EMID1: variants seen among roughly 807,000 people sequenced by gnomAD.
EMID1 encodes EMI domain-containing protein 1.
EMID1 carries 40 observed loss-of-function variants against 60.6 expected under a neutral mutation model. That is an observed-to-expected ratio of 0.66 (90% confidence interval 0.51 to 0.86). The LOEUF (loss-of-function observed/expected upper bound fraction) is 0.86. Among genes scored for constraint, EMID1 ranks in the 40% least tolerant of loss-of-function variants. The pLI is 0.00. For missense variants in EMID1, 585 were observed against 597.1 expected (o/e 0.98, Z 0.21); for synonymous variants, 242 against 231.0 (o/e 1.05, Z -0.43).
Position 29,237,528 on chromosome 22 carries a change from G to T in EMID1, c.1074+3179G>T, listed in dbSNP as rs558182789. Among the ~76,000 whole-genome samples the T allele has an allele frequency of 1.8e-4, 26 of 143,922 alleles. 4 individuals carry two copies. Among genetic ancestry groups the T allele is most frequent in the African/African-American group, 6.0e-4 (22 of 36,640 alleles). 94.4% of individuals were successfully genotyped at this position (143,922 alleles called of 152,430 possible). On this transcript the variant is annotated intron_variant, in intron 12 of 14. Coordinates refer to ENST00000334018, the MANE Select transcript of EMID1 (RefSeq NM_133455.4). ...AAATCTGAGTTTCTGGCCAGGCACG[G>T]TGGCTCACGCCTATAATCCCAGCAC...
rs757303529 is a variant in EMID1 at position 29,234,162 on chromosome 22, A to G, written c.992A>G (p.Lys331Arg). 6 of 1,599,864 alleles carry G rather than the reference A, an allele frequency of 3.8e-6. No individual in the cohort carries two copies. The highest frequency in any genetic ancestry group is 5.1e-6 in the Non-Finnish European group (6 of 1,172,904). Residue 331 changes from lysine (K) to arginine (R), a missense_variant, in exon 11 of 15, where the codon AAA becomes AGA. Transcript: ENST00000334018. ...HIGPPGPTGPKGISGHPGEKG... is the reference protein window; with the variant it reads ...HIGPPGPTGPRGISGHPGEKG... ...GGACCCCCAGGCCCCACTGGACCCA[A>G]AGGAATCTCTGGCCACCCAGGAGAG... is the stretch of plus-strand genomic sequence containing the variant.
intron 2 of EMID1, 143 bp downstream of exon 2, chr22:29,215,182 A>G (rs2040038912): frequency 7.0e-6 from 10 of 1,420,396 alleles, no homozygotes; most frequent in Admixed American, 2.7e-5. Context: ...AGCCGACACC[A>G]TTCTCAGCCT....
chr22:29,231,645 C>T lies in EMID1; in HGVS notation c.639C>T (p.Ala213=), dbSNP rs760696015. The T allele has an allele frequency of 5.9e-5, 88 of 1,487,200 alleles. No homozygotes were observed. Among genetic ancestry groups the T allele is most frequent in the South Asian group, 3.1e-4 (23 of 73,088 alleles). The allele number at this position is 1,487,200 out of a possible 1,614,324, so 92.1% of individuals were successfully genotyped here. ...LPGPTGPKGD[A]GSRGPMGMRG... ...GGCCCACCGGCCCCAAGGGAGATGC[C>T]GGCAGTCGGGGCCCAATGGGGATGA... Residue 213 remains alanine, a synonymous_variant, in exon 7 of 15, where the codon GCC becomes GCT. Coordinates refer to ENST00000334018, the MANE Select transcript of EMID1 (RefSeq NM_133455.4).
At chr22:29,230,531 A>C (rs986779604) in intron 5 of EMID1, among the ~76,000 whole-genome samples, 1 of 152,200 alleles carries the variant, frequency 6.6e-6, no homozygotes, top group African/African-American at 2.4e-5. Context: ...AATGCGTGTT[A>C]TGAATTGTGT....
At chr22:29,244,040 G>A (rs1394758279) in intron 13 of EMID1, among the ~76,000 whole-genome samples, 2 of 152,198 alleles carry the variant, frequency 1.3e-5, no homozygotes, top group Non-Finnish European at 2.9e-5. Flanking sequence ...CCTGTGAAGA[G>A]ACGCCTCGAA....
Position 29,231,624 on chromosome 22 carries a change from C to A in EMID1, c.618C>A (p.Pro206=). 1 of 1,515,980 alleles carries A rather than the reference C, an allele frequency of 6.6e-7. No homozygotes were observed. Among genetic ancestry groups the A allele is most frequent in the Non-Finnish European group, 8.9e-7 (1 of 1,128,404 alleles). The allele number at this position is 1,515,980 out of a possible 1,614,324, so 93.9% of individuals were successfully genotyped here. ...TCGGTGCTTGGGGGCTTCCCGGGCCCACCGGCCCCAAGGGAGATGCCGGCA... is the reference window on the plus strand; with the variant it reads ...TCGGTGCTTGGGGGCTTCCCGGGCCAACCGGCCCCAAGGGAGATGCCGGCA... ...DQVGAWGLPG[P]TGPKGDAGSR... is the part of the protein sequence containing the mutation. The change falls in exon 7 of 15, where the codon CCC becomes CCA. Residue 206 remains proline (P), a synonymous_variant. Coordinates refer to ENST00000334018, the MANE Select transcript of EMID1 (RefSeq NM_133455.4).
At chr22:29,235,119 G>A (rs1296878147) in intron 12 of EMID1, among the ~76,000 whole-genome samples, 1 of 152,062 alleles carries the variant, frequency 6.6e-6, no homozygotes, top group African/African-American at 2.4e-5. Context: ...GGGCTGAGAC[G>A]GGTGGATCAC....
chr22:29,229,230 T>C (rs908126584), intron 5 of EMID1, among the ~76,000 whole-genome samples: 4 of 152,126 alleles, frequency 2.6e-5, no homozygotes, highest in African/African-American at 7.2e-5. Flanking sequence ...TCCCAGCTGC[T>C]TAAGAGGCTG....
At chr22:29,252,453 G>T (rs1225327851) in intron 13 of EMID1, among the ~76,000 whole-genome samples, 2 of 152,236 alleles carry the variant, frequency 1.3e-5, no homozygotes, top group Non-Finnish European at 2.9e-5. Context: ...TCCAGATGTT[G>T]TCAGAGCTGG....
intron 5 of EMID1, among the ~76,000 whole-genome samples, chr22:29,227,350 A>G: frequency 6.6e-6 from 1 of 151,900 alleles, no homozygotes; most frequent in South Asian, 2.1e-4. Flanking sequence ...TTGGCCTCCC[A>G]AAGTGCTGGG....
chr22:29,213,444 C>T (rs1244115151), intron 1 of EMID1, among the ~76,000 whole-genome samples: 1 of 152,200 alleles, frequency 6.6e-6, no homozygotes, highest in African/African-American at 2.4e-5. Context: ...TAGGTTGTTT[C>T]CTCTTCCAGC....
At chr22:29,227,264 A>C (rs2040550353) in intron 5 of EMID1, among the ~76,000 whole-genome samples, 1 of 151,552 alleles carries the variant, frequency 6.6e-6, no homozygotes, top group Admixed American at 6.6e-5. Flanking sequence ...CTAATTTTTA[A>C]ATTTTTGGTA....
At chr22:29,220,177 T>C (rs2040239300) in intron 3 of EMID1, among the ~76,000 whole-genome samples, 1 of 152,150 alleles carries the variant, frequency 6.6e-6, no homozygotes, top group Non-Finnish European at 1.5e-5. Context: ...TACACGGCCT[T>C]GGCAGTGGCC....
intron 3 of EMID1, among the ~76,000 whole-genome samples, chr22:29,221,191 G>A (rs1862584919): frequency 1.3e-5 from 2 of 151,020 alleles, no homozygotes; most frequent in South Asian, 4.2e-4. Flanking sequence ...GTGGAGCTGG[G>A]GTTTGTGGTC....
chr22:29,249,587 A>ATTAT (rs140494856), intron 13 of EMID1, among the ~76,000 whole-genome samples: 9,519 of 139,452 alleles, frequency 0.068, 324 homozygotes, highest in African/African-American at 0.091. Context: ...AAATACCTTT[A>ATTAT]TTATTTATTT....
At chr22:29,231,766 G>A in intron 7 of EMID1, 84 bp downstream of exon 7, 1 of 1,317,146 alleles carries the variant, frequency 7.6e-7, no homozygotes, top group East Asian at 2.6e-5. Flanking sequence ...ACATGGCCAG[G>A]ATGACCTGGG....
intron 3 of EMID1, among the ~76,000 whole-genome samples, chr22:29,218,558 G>A (rs1315171273): frequency 6.6e-6 from 1 of 152,178 alleles, no homozygotes; most frequent in African/African-American, 2.4e-5. Context: ...GTGGGGAAGG[G>A]GTCACCTGGC....
chr22:29,237,788 G>T lies in EMID1; in HGVS notation c.1074+3439G>T, dbSNP rs377367271. Among the ~76,000 whole-genome samples, 5 of 130,446 alleles carry T rather than the reference G, an allele frequency of 3.8e-5. 1 individual carries two copies. Among genetic ancestry groups the T allele is most frequent in the African/African-American group, 1.5e-4 (5 of 32,544 alleles). 85.6% of individuals were successfully genotyped at this position (130,446 alleles called of 152,430 possible). A position where few individuals can be genotyped will look rare whatever the true frequency, so the allele number is the denominator to read the frequency against. ...TGCACTGCAGCCTGGGCAACAGAGC[G>T]AGACTCCGTTTCAAAAAAAACAAAC... On this transcript the variant is annotated intron_variant, in intron 12 of 14. Transcript: ENST00000334018.
Position 29,229,077 on chromosome 22 carries a change from C to T in EMID1, c.466-1943C>T, listed in dbSNP as rs146999382. On this transcript the variant is annotated intron_variant, in intron 5 of 14. Transcript: ENST00000334018. ...TTTCTCTAGGCTGGGCATGGTGGCT[C>T]ACACCTGTAATCCCAGCACTTTGGA... Among the ~76,000 whole-genome samples, 578 of 152,244 alleles carry T rather than the reference C, an allele frequency of 3.8e-3. 4 individuals carry two copies. Among genetic ancestry groups the T allele is most frequent in the African/African-American group, 0.014 (562 of 41,546 alleles).
Sources: allele counts gnomAD v4.1 joint callset (sites outside exome capture counted in the v4.1 genomes callset), GRCh38; gene constraint gnomAD v4.1.1; transcripts MANE v1.5; gene names NCBI Gene and HGNC (gene_info 2026-07-23, HGNC 2026-07-21).